The following VPS13B variants were observed in gnomAD, a reference collection of about 807,000 sequenced individuals.
VPS13B encodes the protein vacuolar protein sorting 13 homolog B.
In VPS13B, 285 loss-of-function variants were observed where a neutral mutation model predicts 426.4. The ratio of observed to expected loss-of-function variants is 0.67; its 90% CI spans 0.61 to 0.74. VPS13B has a LOEUF of 0.74. Among genes scored for constraint, VPS13B ranks in the 30% least tolerant of loss-of-function variants. VPS13B has a pLI of 0.00. For missense variants in VPS13B, 4,537 were observed against 4,782.6 expected, an observed-to-expected ratio of 0.95 and a Z score of 1.51; for synonymous variants, 1,676 against 1,676.4, an observed-to-expected ratio of 1.00 and a Z score of 0.01.
intron 58 of VPS13B, among the ~76,000 whole-genome samples, chr8:99,865,361 C>A (rs1475085587): frequency 1.3e-5 from 2 of 152,258 alleles, no homozygotes; most frequent in Non-Finnish European, 1.5e-5. Context: ...AGAATTGCTT[C>A]TCTGACCCCC....
intron 14 of VPS13B, among the ~76,000 whole-genome samples, chr8:99,154,119 T>C (rs561158262): frequency 6.6e-6 from 1 of 152,044 alleles, no homozygotes; most frequent in African/African-American, 2.4e-5. Flanking sequence ...CTTTGATTTC[T>C]ATGATTTGAA....
At chr8:99,606,700 G>A (rs1827609743) in intron 33 of VPS13B, among the ~76,000 whole-genome samples, 1 of 144,862 alleles carries the variant, frequency 6.9e-6, no homozygotes, top group Non-Finnish European at 1.5e-5. Flanking sequence ...CGTGATCTCA[G>A]CCACTGCAAC....
intron 3 of VPS13B, among the ~76,000 whole-genome samples, chr8:99,047,285 A>G (rs1218009947): frequency 6.6e-6 from 1 of 152,164 alleles, no homozygotes; most frequent in Non-Finnish European, 1.5e-5. Context: ...GGATTTATCC[A>G]TCTCCTCTAG....
At chr8:99,156,212 A>G (rs1306404148) in intron 14 of VPS13B, among the ~76,000 whole-genome samples, 1 of 152,216 alleles carries the variant, frequency 6.6e-6, no homozygotes, top group Non-Finnish European at 1.5e-5. Context: ...GATATCTAGG[A>G]AACATTTTGG....
At chr8:99,608,769 G>A (rs1022681733) in intron 33 of VPS13B, among the ~76,000 whole-genome samples, 1 of 151,968 alleles carries the variant, frequency 6.6e-6, no homozygotes, top group African/African-American at 2.4e-5. Context: ...CTTTGTGGCT[G>A]GCTTCATTCA....
At chr8:99,752,041 A>G (rs1271925652) in intron 39 of VPS13B, among the ~76,000 whole-genome samples, 1 of 152,044 alleles carries the variant, frequency 6.6e-6, no homozygotes, top group Non-Finnish European at 1.5e-5. Flanking sequence ...TTTATCATAT[A>G]TTTATCCTTG....
chr8:99,805,371 C>G (rs1267502769), intron 43 of VPS13B, among the ~76,000 whole-genome samples: 2 of 151,824 alleles, frequency 1.3e-5, no homozygotes, highest in African/African-American at 2.4e-5. Context: ...GTATTTGGTA[C>G]CTTTATCATT....
chr8:99,504,515 A>G (rs1215820443), intron 27 of VPS13B, among the ~76,000 whole-genome samples: 4 of 152,160 alleles, frequency 2.6e-5, no homozygotes, highest in African/African-American at 9.7e-5. Flanking sequence ...CTCCTTGTAT[A>G]TCTCCATTGG....
intron 19 of VPS13B, chr8:99,340,392 T>G (rs942858781): frequency 7.4e-5 from 34 of 457,456 alleles, no homozygotes; most frequent in Non-Finnish European, 3.9e-5. Context: ...CATCATGGTA[T>G]ATATTCTGCT....
At chr8:99,147,496 A>G (rs1340086057) in intron 13 of VPS13B, among the ~76,000 whole-genome samples, 1 of 152,092 alleles carries the variant, frequency 6.6e-6, no homozygotes, top group Non-Finnish European at 1.5e-5. Context: ...CTCCCCATCT[A>G]TCTGTAGCAA....
At chr8:99,075,214 A>G (rs954553033) in intron 3 of VPS13B, among the ~76,000 whole-genome samples, 1 of 152,178 alleles carries the variant, frequency 6.6e-6, no homozygotes, top group Admixed American at 6.5e-5. Context: ...GAGACTAGGT[A>G]ATTTATAATG....
chr8:99,846,599 T>C (rs1457800943), intron 54 of VPS13B, among the ~76,000 whole-genome samples: 1 of 152,180 alleles, frequency 6.6e-6, no homozygotes, highest in Non-Finnish European at 1.5e-5. Flanking sequence ...AAGACAAGGA[T>C]AGACTAAAGT....
chr8:99,631,793 G>T (rs1445070334), intron 33 of VPS13B, among the ~76,000 whole-genome samples: 2 of 151,678 alleles, frequency 1.3e-5, no homozygotes, highest in Non-Finnish European at 2.9e-5. Flanking sequence ...GAAGGTAAAA[G>T]CTTGGTTTTT....
chr8:99,529,549 A>G (rs1274166375), intron 30 of VPS13B, among the ~76,000 whole-genome samples: 1 of 152,236 alleles, frequency 6.6e-6, no homozygotes, highest in African/African-American at 2.4e-5. Context: ...CCTGACCTCA[A>G]ACTTTATTAT....
At chr8:99,243,104 G>A (rs1306046403) in intron 17 of VPS13B, among the ~76,000 whole-genome samples, 1 of 152,186 alleles carries the variant, frequency 6.6e-6, no homozygotes, top group Non-Finnish European at 1.5e-5. Context: ...TAATGAGACA[G>A]GAAGATGGAC....
intron 25 of VPS13B, 31 bp from the exon 26 acceptor site, chr8:99,501,656 A>G (rs1339296168): frequency 1.9e-6 from 3 of 1,609,796 alleles, no homozygotes; most frequent in Non-Finnish European, 2.5e-6. Context: ...TTTATGTTAC[A>G]AAGTAAGATT....
chr8:99,386,362 A>C (rs1342287343), intron 20 of VPS13B, among the ~76,000 whole-genome samples: 4 of 152,204 alleles, frequency 2.6e-5, no homozygotes, highest in Non-Finnish European at 2.9e-5. Flanking sequence ...ATGCATCATT[A>C]GGCAATTTTG....
At chr8:99,119,491 C>G (rs978109461) in intron 7 of VPS13B, 1 of 152,170 alleles carries the variant, frequency 6.6e-6, no homozygotes, top group African/African-American at 2.4e-5. Flanking sequence ...CTCCTGGCTT[C>G]ATGTGATTCT....
intron 3 of VPS13B, among the ~76,000 whole-genome samples, chr8:99,081,494 A>T (rs964767367): frequency 6.6e-6 from 1 of 151,974 alleles, no homozygotes; most frequent in African/African-American, 2.4e-5. Context: ...TTACATATGT[A>T]TACATGTGCC....
Sources: allele counts gnomAD v4.1 joint callset (sites outside exome capture counted in the v4.1 genomes callset), GRCh38; gene constraint gnomAD v4.1.1; transcripts MANE v1.5; gene names NCBI Gene and HGNC (gene_info 2026-07-23, HGNC 2026-07-21).